STPG2: variants seen among roughly 807,000 people sequenced by gnomAD.
The protein encoded by STPG2 is sperm-tail PG-rich repeat-containing protein 2.
STPG2 carries 56 observed loss-of-function variants against 54.2 expected under a neutral mutation model. That is an observed-to-expected ratio of 1.03 (90% CI 0.83 to 1.29). The LOEUF is 1.29. STPG2 is among the 50% of genes most tolerant of loss of function. The pLI is 0.00. For missense variants in STPG2, 596 were observed against 544.9 expected (o/e 1.09, Z -0.93); for synonymous variants, 200 against 181.8 (o/e 1.10, Z -0.81).
At chr4:98,116,146 T>C (rs982965287) in intron 3 of STPG2, among the ~76,000 whole-genome samples, 16 of 151,884 alleles carry the variant, frequency 1.1e-4, no homozygotes, top group Non-Finnish European at 1.5e-4. Flanking sequence ...AATCAAGTTT[T>C]ATATGTCTAA....
intron 9 of STPG2, among the ~76,000 whole-genome samples, chr4:97,729,877 T>C (rs1466078801): frequency 1.3e-5 from 2 of 152,228 alleles, no homozygotes; most frequent in Non-Finnish European, 2.9e-5. Flanking sequence ...GATTTCTTTT[T>C]CAGATAGTTT....
At chr4:97,949,158 T>C (rs1324654697) in intron 7 of STPG2, among the ~76,000 whole-genome samples, 1 of 152,142 alleles carries the variant, frequency 6.6e-6, no homozygotes, top group Non-Finnish European at 1.5e-5. Context: ...TTTATCATCA[T>C]ATAATGATCT....
intron 4 of STPG2, among the ~76,000 whole-genome samples, chr4:97,520,777 T>C (rs1005758762): frequency 3.9e-5 from 6 of 152,060 alleles, no homozygotes; most frequent in African/African-American, 1.4e-4. Flanking sequence ...ACAAATATTG[T>C]TTCTCTTTAA....
intron 8 of STPG2, among the ~76,000 whole-genome samples, chr4:97,861,425 A>G (rs2149141226): frequency 6.6e-6 from 1 of 152,264 alleles, no homozygotes; most frequent in East Asian, 1.9e-4. Context: ...ACTTTGGAGA[A>G]CAGCTTGGAG....
chr4:97,578,769 A>G (rs1160308330), intron 10 of STPG2, among the ~76,000 whole-genome samples: 2 of 152,190 alleles, frequency 1.3e-5, no homozygotes, highest in African/African-American at 4.8e-5. Flanking sequence ...TAACTAAATC[A>G]GAAGTTCTAA....
chr4:97,819,200 C>T (rs1004914277), intron 9 of STPG2, among the ~76,000 whole-genome samples: 2 of 151,604 alleles, frequency 1.3e-5, no homozygotes, highest in African/African-American at 4.8e-5. Context: ...AGAAAAATGA[C>T]CAAAAAAGTT....
At chr4:98,019,605 G>C (rs576905150) in intron 5 of STPG2, among the ~76,000 whole-genome samples, 22 of 151,298 alleles carry the variant, frequency 1.5e-4, no homozygotes, top group Admixed American at 1.4e-3. Flanking sequence ...AATTACCTTG[G>C]GCAGTACGGC....
At chr4:97,931,668 G>A (rs866801253) in intron 8 of STPG2, among the ~76,000 whole-genome samples, 6 of 149,322 alleles carry the variant, frequency 4.0e-5, no homozygotes, top group Non-Finnish European at 7.5e-5. Flanking sequence ...TTTGTTTTTT[G>A]TTGTTGTTGT....
intron 9 of STPG2, among the ~76,000 whole-genome samples, chr4:97,738,079 G>T (rs893752730): frequency 2.0e-5 from 3 of 152,112 alleles, no homozygotes; most frequent in Admixed American, 6.6e-5. Flanking sequence ...AGAAAAGAAT[G>T]TTCAACCCAG....
In STPG2 at chr4:98,055,911, G is replaced by A. The variant is rs145931705; in HGVS notation, c.612+50042C>T. ...AGCCCACACCATAGCTTCTGCACAG[G>A]TGGACCATGCCCGAACACTGGATAG... On this transcript the variant is annotated intron_variant, in intron 5 of 10. Transcript: ENST00000295268. Among the ~76,000 whole-genome samples, 1,233 of 152,208 alleles carry A rather than the reference G, an allele frequency of 8.1e-3. 22 individuals are homozygous for A. The highest frequency in any genetic ancestry group is 0.014 in the Admixed American group (215 of 15,290).
chr4:98,135,218 T>C (rs181816887), intron 1 of STPG2, among the ~76,000 whole-genome samples: 68 of 151,876 alleles, frequency 4.5e-4, no homozygotes, highest in African/African-American at 1.6e-3. Flanking sequence ...AAATCTTGTA[T>C]ACTAAAGGAA....
At chr4:98,008,040 T>C (rs1434367967) in intron 5 of STPG2, among the ~76,000 whole-genome samples, 3 of 152,094 alleles carry the variant, frequency 2.0e-5, no homozygotes, top group African/African-American at 7.2e-5. Context: ...AAAGAAATAA[T>C]TGATGAAACT....
At chr4:97,736,033 T>C (rs770863444) in intron 9 of STPG2, among the ~76,000 whole-genome samples, 2 of 152,064 alleles carry the variant, frequency 1.3e-5, no homozygotes, top group African/African-American at 2.4e-5. Context: ...ACCAAAAAGA[T>C]AAAAGGTATG....
At chr4:97,540,300 C>A (rs1403041350) in intron 4 of STPG2, among the ~76,000 whole-genome samples, 8 of 152,056 alleles carry the variant, frequency 5.3e-5, no homozygotes, top group African/African-American at 1.9e-4. Flanking sequence ...GATATCACCA[C>A]CGATCCCACA....
chr4:97,689,170 T>G (rs1007102859), intron 10 of STPG2, among the ~76,000 whole-genome samples: 1 of 152,280 alleles, frequency 6.6e-6, no homozygotes, highest in Admixed American at 6.5e-5. Flanking sequence ...GCAAAGCACT[T>G]AAGGTTTTAA....
chr4:97,629,249 AT>A (rs1309853013), intron 10 of STPG2, among the ~76,000 whole-genome samples: 1 of 152,088 alleles, frequency 6.6e-6, no homozygotes, highest in Non-Finnish European at 1.5e-5. Context: ...TGCAAATTTT[AT>A]ATAAGAAAGC....
At position 97,981,253 on chromosome 4, in the gene STPG2, G is replaced by T. The variant is rs547460502; in HGVS notation, c.678C>A (p.Leu226=). 5 of 1,614,014 alleles carry T rather than the reference G, an allele frequency of 3.1e-6. No individual in the cohort carries two copies. The East Asian group carries it at 1.1e-4, about 36-fold the overall frequency. Reference sequence around the variant, plus strand: ...GTCCTGATGTTTTCTTCAAAGACTTGAGAGCAGTTCGAGGTTCATTATATG... The same window carrying T: ...GTCCTGATGTTTTCTTCAAAGACTTTAGAGCAGTTCGAGGTTCATTATATG... The part of the protein sequence containing the change: ...PGTYNEPRTA[L]KSLKKTSGLK... The change falls in exon 6 of 11, where the codon CTC becomes CTA. Residue 226 remains leucine (L), a synonymous_variant. Transcript: ENST00000295268.
chr4:97,521,118 A>C (rs1186532400), intron 4 of STPG2, among the ~76,000 whole-genome samples: 1 of 152,106 alleles, frequency 6.6e-6, no homozygotes, highest in African/African-American at 2.4e-5. Context: ...ATTATTAAAC[A>C]GTATATTGCA....
At chr4:97,454,287 G>C (rs1336588786) in intron 4 of STPG2, among the ~76,000 whole-genome samples, 1 of 151,534 alleles carries the variant, frequency 6.6e-6, no homozygotes, top group Non-Finnish European at 1.5e-5. Context: ...GCCGAGGCGG[G>C]TGGATCATGA....
Sources: allele counts gnomAD v4.1 joint callset (sites outside exome capture counted in the v4.1 genomes callset), GRCh38; gene constraint gnomAD v4.1.1; transcripts MANE v1.5; gene names NCBI Gene and HGNC (gene_info 2026-07-23, HGNC 2026-07-21).